NCAM2: variants seen among roughly 807,000 people sequenced by gnomAD.
NCAM2 encodes the protein neural cell adhesion molecule 2.
In NCAM2, 30 loss-of-function variants were observed where a neutral mutation model predicts 98.1. The observed-to-expected ratio is 0.31, with a 90% CI of 0.23 to 0.41. The LOEUF (loss-of-function observed/expected upper bound fraction) is 0.41. NCAM2 is among the 10% of genes least tolerant of loss of function. NCAM2 has a pLI of 1.00. For missense variants in NCAM2, 867 were observed against 1,005.8 expected (o/e 0.86, Z 1.87); for synonymous variants, 368 against 342.4 (o/e 1.07, Z -0.83).
At chr21:21,129,414 ATTT>A (rs2066891167) in intron 1 of NCAM2, among the ~76,000 whole-genome samples, 1 of 152,160 alleles carries the variant, frequency 6.6e-6, no homozygotes, top group African/African-American at 2.4e-5. Context: ...GTCTTACTAG[ATTT>A]TTAAGTTGCT....
At chr21:21,082,225 T>TAA (rs57713170) in intron 1 of NCAM2, among the ~76,000 whole-genome samples, 24,040 of 82,174 alleles carry the variant, frequency 0.29, 3,245 homozygotes, top group African/African-American at 0.4. Context: ...GAGAATCCTT[T>TAA]AAAAAAAAAA....
chr21:21,260,327 T>C (rs987689268), intron 1 of NCAM2, among the ~76,000 whole-genome samples: 4 of 151,908 alleles, frequency 2.6e-5, no homozygotes, highest in South Asian at 2.1e-4. Context: ...GAGATAGATA[T>C]CCAGATACAA....
chr21:21,030,659 T>C (rs925495204), intron 1 of NCAM2, among the ~76,000 whole-genome samples: 3 of 152,230 alleles, frequency 2.0e-5, no homozygotes, highest in Non-Finnish European at 2.9e-5. Flanking sequence ...ACGATTATTA[T>C]ACTGACTTTT....
At chr21:21,530,932 A>C (rs1358958416) in intron 16 of NCAM2, among the ~76,000 whole-genome samples, 1 of 152,120 alleles carries the variant, frequency 6.6e-6, no homozygotes. Context: ...AAAAGCAAAG[A>C]ATGCATATTT....
Position 21,178,689 on chromosome 21 carries a change from A to G in NCAM2, c.56-101889A>G, listed in dbSNP as rs80332476. On this transcript the variant is annotated intron_variant, in intron 1 of 17. Transcript: ENST00000400546. ...GAATTAATAATATACCTTTACCTATATTAAATTATATAAGCTTTTATTCTA... is the reference window on the plus strand; with the variant it reads ...GAATTAATAATATACCTTTACCTATGTTAAATTATATAAGCTTTTATTCTA... Among the ~76,000 whole-genome samples, 253 of 152,050 alleles carry G rather than the reference A, an allele frequency of 1.7e-3. 10 individuals are homozygous for G. The East Asian group carries it at 0.044, about 26-fold the overall frequency.
intron 1 of NCAM2, among the ~76,000 whole-genome samples, chr21:21,198,181 T>C (rs1259466666): frequency 8.9e-6 from 1 of 112,162 alleles, no homozygotes; most frequent in Non-Finnish European, 1.8e-5. Flanking sequence ...ATATGTAAAG[T>C]ATATGTGTGT....
At chr21:21,059,965 C>G (rs541083345) in intron 1 of NCAM2, among the ~76,000 whole-genome samples, 1 of 151,816 alleles carries the variant, frequency 6.6e-6, no homozygotes, top group Non-Finnish European at 1.5e-5. Context: ...ATGTTAGCTC[C>G]GATATGGAAA....
At position 21,505,722 on chromosome 21, in the gene NCAM2, TTAG is replaced by T. The variant is rs1428808801; in HGVS notation, c.2078-3127_2078-3125del. Reference sequence around the variant, plus strand: ...TTTAATGTTTAACATTAGATAATTTTTAGTTGAAATATCATTTTTATAATACTA... The same window carrying T: ...TTTAATGTTTAACATTAGATAATTTTTTGAAATATCATTTTTATAATACTA... On this transcript the variant is annotated intron_variant, in intron 15 of 17. Transcript: ENST00000400546. Among the ~76,000 whole-genome samples the T allele has an allele frequency of 2.0e-5, 3 of 152,108 alleles. No individual in the cohort carries two copies. In the East Asian group the frequency reaches 5.8e-4, roughly 29 times the overall value.
At chr21:21,214,918 G>A (rs1015696558) in intron 1 of NCAM2, among the ~76,000 whole-genome samples, 1 of 151,180 alleles carries the variant, frequency 6.6e-6, no homozygotes, top group Non-Finnish European at 1.5e-5. Context: ...TTATTAGAAG[G>A]GCTTAAACTC....
Position 21,343,358 on chromosome 21 carries a change from T to TACACACAC in NCAM2, c.1044+4854_1044+4861dup, listed in dbSNP as rs71195322. 7.2e-3 allele frequency among the ~76,000 whole-genome samples: 868 copies of TACACACAC among 120,846 alleles called. 4 individuals carry two copies. The highest frequency in any genetic ancestry group is 0.024 in the Middle Eastern group (5 of 212). The allele number at this position is 120,846 out of a possible 152,430, so 79.3% of individuals were successfully genotyped here. Reference sequence around the variant, plus strand: ...CCAAGTTAACAACTATCTATACACATACACACACACACACACACACACACA... The same window carrying TACACACAC: ...CCAAGTTAACAACTATCTATACACATACACACACACACACACACACACACACACACACA... On this transcript the variant is annotated intron_variant, in intron 8 of 17. Coordinates refer to ENST00000400546, the MANE Select transcript of NCAM2 (RefSeq NM_004540.5).
At position 21,338,398 on chromosome 21, in the gene NCAM2, A is replaced by G. The variant is rs2074936239; in HGVS notation, c.908A>G (p.His303Arg). 3.7e-6 allele frequency: 6 copies of G among 1,611,150 alleles called. No individual in the cohort carries two copies. The highest frequency in any genetic ancestry group is 4.2e-6 in the Non-Finnish European group (5 of 1,177,790). Reference protein sequence around the residue: ...QAFLQVFVQPHIIQLKNETTY... With the variant: ...QAFLQVFVQPRIIQLKNETTY... ...TATATATTCTTTACAGTACAGCCTC[A>G]CATAATACAGCTTAAAAATGAAACT... The change falls in exon 8 of 18, where the codon CAC becomes CGC. Residue 303 changes from histidine to arginine, a missense_variant. His to Arg is a conservative substitution (Grantham distance 29). Around this residue, in one of 5 missense-constraint regions of NCAM2, gnomAD observed 447 missense variants for 495.7 expected, o/e 0.90. Coordinates refer to ENST00000400546, the MANE Select transcript of NCAM2 (RefSeq NM_004540.5).
chr21:21,403,277 A>G (rs2076670369), intron 9 of NCAM2, among the ~76,000 whole-genome samples: 1 of 152,156 alleles, frequency 6.6e-6, no homozygotes, highest in South Asian at 2.1e-4. Flanking sequence ...TCTTCTGGGA[A>G]TCTTTCTCTG....
intron 12 of NCAM2, among the ~76,000 whole-genome samples, chr21:21,461,058 T>G (rs1320979169): frequency 6.6e-6 from 1 of 151,908 alleles, no homozygotes; most frequent in East Asian, 1.9e-4. Flanking sequence ...CATGAAGATA[T>G]TTTATGAATA....
chr21:21,385,629 C>T, intron 9 of NCAM2: 2 of 1,287,680 alleles, frequency 1.6e-6, no homozygotes, highest in South Asian at 1.2e-5. Flanking sequence ...TGGCATTCTT[C>T]CAGTTCATTT....
chr21:21,537,143 G>A (rs992839226), intron 17 of NCAM2, among the ~76,000 whole-genome samples: 1 of 151,854 alleles, frequency 6.6e-6, no homozygotes, highest in African/African-American at 2.4e-5. Flanking sequence ...CTGTTGCCCA[G>A]GCTGAAGTGC....
intron 1 of NCAM2, among the ~76,000 whole-genome samples, chr21:21,026,384 C>T (rs1444585653): frequency 1.3e-5 from 2 of 152,158 alleles, no homozygotes; most frequent in East Asian, 1.9e-4. Context: ...TTAGGCCAGG[C>T]GCGGTGGCTC....
chr21:21,499,679 T>G (rs1459565508), intron 15 of NCAM2, among the ~76,000 whole-genome samples: 1 of 152,180 alleles, frequency 6.6e-6, no homozygotes, highest in Non-Finnish European at 1.5e-5. Flanking sequence ...AAACTGAATG[T>G]TTTTAAAATA....
chr21:21,295,126 A>G (rs1349390658), intron 5 of NCAM2, among the ~76,000 whole-genome samples: 1 of 151,774 alleles, frequency 6.6e-6, no homozygotes. Flanking sequence ...GCCCCAGTCA[A>G]ATGTTTTTTC....
intron 1 of NCAM2, among the ~76,000 whole-genome samples, chr21:21,016,103 T>A (rs2064303502): frequency 6.6e-6 from 1 of 152,164 alleles, no homozygotes; most frequent in Admixed American, 6.6e-5. Context: ...CTATAATCAT[T>A]TCATATGATC....
Sources: gnomAD v4.1 joint callset for allele counts (sites outside exome capture counted in the v4.1 genomes callset) on GRCh38, gnomAD v4.1.1 for gene constraint, gnomAD v4.1.1 regional missense constraint, MANE v1.5 for transcripts, NCBI Gene and HGNC (gene_info 2026-07-23, HGNC 2026-07-21) for gene names.